Variants in BFSP1 observed in about 807,000 individuals in gnomAD.
BFSP1 encodes filensin.
Under a neutral mutation model 43.9 loss-of-function variants are expected in BFSP1, and 38 were observed. That is an observed-to-expected ratio of 0.87 (90% CI 0.67 to 1.14). BFSP1 has a LOEUF of 1.14. Among genes scored for constraint, BFSP1 ranks in the 50% most tolerant of loss-of-function variants. BFSP1 has a pLI of 0.00. For synonymous variants in BFSP1, 352 were observed against 354.8 expected, an observed-to-expected ratio of 0.99 and a Z score of 0.09; for missense variants, 850 against 875.1, an observed-to-expected ratio of 0.97 and a Z score of 0.36.
At chr20:17,567,433 G>A (rs1320244760) in intron 1 of BFSP1, among the ~76,000 whole-genome samples, 1 of 152,150 alleles carries the variant, frequency 6.6e-6, no homozygotes, top group Non-Finnish European at 1.5e-5. Context: ...TACAGTAATT[G>A]TAGGGAAAAA....
chr20:17,546,621 G>A (rs2034804923), intron 1 of BFSP1, among the ~76,000 whole-genome samples: 1 of 152,014 alleles, frequency 6.6e-6, no homozygotes, highest in African/African-American at 2.4e-5. Context: ...AGGATCCCTT[G>A]AACCCGGGAG....
At chr20:17,533,144 GT>G (rs2034574821), upstream of BFSP1, among the ~76,000 whole-genome samples, 1 of 152,100 alleles carries the variant, frequency 6.6e-6, no homozygotes, top group Admixed American at 6.5e-5. Context: ...GAGGCCAGGA[GT>G]TCAAGACGAG....
chr20:17,507,009 C>T lies in BFSP1; in HGVS notation c.735+1880G>A, dbSNP rs1208322991. 1 of 152,168 alleles carries T rather than the reference C, an allele frequency of 6.6e-6. No individual in the cohort carries two copies. Among genetic ancestry groups the T allele is most frequent in the Non-Finnish European group, 1.5e-5 (1 of 68,040 alleles). 9.4% of individuals were successfully genotyped at this position (152,168 alleles called of 1,614,324 possible). ...GAAGTCCTCCTGCAGCCACTCAGGACAGAAACAGGCGGCCAACCAGCGGTT... is the reference window on the plus strand; with the variant it reads ...GAAGTCCTCCTGCAGCCACTCAGGATAGAAACAGGCGGCCAACCAGCGGTT... On this transcript the variant is annotated intron_variant, in intron 5 of 7. Transcript: ENST00000377873. This position sits in a 1 kb window ranked among gnomAD's most constrained non-coding sequence, Gnocchi z 4.4.
intron 6 of BFSP1, among the ~76,000 whole-genome samples, chr20:17,498,206 C>G (rs961691265): frequency 6.6e-6 from 1 of 152,150 alleles, no homozygotes; most frequent in Admixed American, 6.5e-5. Flanking sequence ...AATTCCCAAC[C>G]CGTTCTCTGG....
intron 1 of BFSP1, among the ~76,000 whole-genome samples, chr20:17,543,248 T>A (rs546522453): frequency 6.6e-6 from 1 of 152,256 alleles, no homozygotes; most frequent in South Asian, 2.1e-4. Flanking sequence ...TCTTTTGCCG[T>A]GTAACAAAGA....
At chr20:17,553,809 A>T (rs2034936116) in intron 1 of BFSP1, among the ~76,000 whole-genome samples, 1 of 103,860 alleles carries the variant, frequency 9.6e-6, no homozygotes. Context: ...ACACACACAC[A>T]CACACACACA....
upstream of BFSP1, chr20:17,531,482 CG>C: frequency 9.1e-7 from 1 of 1,101,962 alleles, no homozygotes. Flanking sequence ...ACGCTGGGCC[CG>C]GGCGCGGGAG....
At chr20:17,508,346 G>C (rs773979667) in intron 5 of BFSP1, among the ~76,000 whole-genome samples, 16 of 152,192 alleles carry the variant, frequency 1.1e-4, no homozygotes, top group Non-Finnish European at 1.8e-4. Context: ...CCCAAAAGGG[G>C]TGGGGGTAGA....
chr20:17,562,889 T>C (rs374284544), upstream of BFSP1: 17 of 152,208 alleles, frequency 1.1e-4, no homozygotes, highest in East Asian at 1.7e-3. Flanking sequence ...GTAAGGAATG[T>C]TCAGAATGTA....
chr20:17,532,290 A>T (rs975583936), upstream of BFSP1, among the ~76,000 whole-genome samples: 2 of 152,002 alleles, frequency 1.3e-5, no homozygotes, highest in Admixed American at 6.6e-5. Context: ...CAGTAATCCC[A>T]GCTACCTGGG....
intron 2 of BFSP1, chr20:17,517,367 C>A (rs1377471085): frequency 2.1e-6 from 2 of 941,500 alleles, no homozygotes; most frequent in African/African-American, 1.6e-5. Context: ...AACAAACAAA[C>A]AAAATCATTT....
chr20:17,564,663 A>T (rs112499697), intron 1 of BFSP1, among the ~76,000 whole-genome samples: 107 of 152,190 alleles, frequency 7.0e-4, no homozygotes, highest in African/African-American at 2.5e-3. Context: ...ATCTTCGCTC[A>T]CTGCAACCTC....
intron 1 of BFSP1, chr20:17,558,547 G>C: frequency 1.1e-6 from 1 of 873,540 alleles, no homozygotes; most frequent in Non-Finnish European, 1.7e-6. Flanking sequence ...TATCATTTTA[G>C]AAATTTCCAT....
At chr20:17,568,663 AATC>A (rs2035151654) in intron 1 of BFSP1, among the ~76,000 whole-genome samples, 1 of 152,122 alleles carries the variant, frequency 6.6e-6, no homozygotes, top group Admixed American at 6.6e-5. Context: ...GCCCGCCAAA[AATC>A]ATGTCTCAGG....
intron 6 of BFSP1, among the ~76,000 whole-genome samples, chr20:17,497,566 GTA>G (rs573872557): frequency 7.6e-5 from 9 of 118,232 alleles, no homozygotes; most frequent in Non-Finnish European, 1.4e-4. Context: ...ATATGTGTGT[GTA>G]TATGTATATA....
chr20:17,546,998 G>T (rs1291287393), intron 1 of BFSP1, among the ~76,000 whole-genome samples: 1 of 137,200 alleles, frequency 7.3e-6, no homozygotes, highest in Non-Finnish European at 1.5e-5. Context: ...CTGCACTCCA[G>T]CCTGTGTGAC....
At chr20:17,503,766 C>T (rs1366896571) in intron 5 of BFSP1, among the ~76,000 whole-genome samples, 1 of 152,226 alleles carries the variant, frequency 6.6e-6, no homozygotes, top group Non-Finnish European at 1.5e-5. Flanking sequence ...GTCTCCAGGG[C>T]CCCTGCAAAC....
intron 5 of BFSP1, among the ~76,000 whole-genome samples, chr20:17,501,618 G>A (rs1165605985): frequency 1.3e-5 from 2 of 151,846 alleles, no homozygotes; most frequent in Non-Finnish European, 2.9e-5. Context: ...AAAAAAGCAG[G>A]TGTTCAGCCA....
chr20:17,504,180 A>C (rs781441545), intron 5 of BFSP1, among the ~76,000 whole-genome samples: 2 of 152,188 alleles, frequency 1.3e-5, no homozygotes, highest in African/African-American at 2.4e-5. Context: ...CATCCCCCAC[A>C]TGACCATGAG....
Sources: allele counts gnomAD v4.1 joint callset (sites outside exome capture counted in the v4.1 genomes callset), GRCh38; gene constraint gnomAD v4.1.1; non-coding constraint Gnocchi (gnomAD v3.1); transcripts MANE v1.5; gene names NCBI Gene and HGNC (gene_info 2026-07-23, HGNC 2026-07-21).